AMPD2: variants seen among roughly 807,000 people sequenced by gnomAD.
The protein encoded by AMPD2 is AMP deaminase 2.
A neutral mutation model predicts 91.3 loss-of-function variants in AMPD2; 52 were observed. The ratio of observed to expected loss-of-function variants is 0.57; its 90% CI spans 0.46 to 0.72. AMPD2 has a LOEUF of 0.72. Ranked by LOEUF, AMPD2 falls within the 30% of genes least tolerant of loss-of-function variation. The pLI, the probability that AMPD2 is intolerant of heterozygous loss-of-function variation, is 0.00. For missense variants in AMPD2, 822 were observed against 1,122.3 expected (o/e 0.73, Z 3.82); for synonymous variants, 455 against 456.4 (o/e 1.00, Z 0.04).
At position 109,630,352 on chromosome 1, in the gene AMPD2, CG is replaced by C; in HGVS notation, c.2105del (p.Gly702AlafsTer21). 1 of 1,613,942 alleles carries C rather than the reference CG, an allele frequency of 6.2e-7. No individual in the cohort carries two copies. The highest frequency in any genetic ancestry group is 1.1e-5 in the South Asian group (1 of 91,070). On this transcript the variant is annotated frameshift_variant, in exon 17 of 19. Transcript: ENST00000528667. LOFTEE classifies it high-confidence loss of function. ...RNPLPEYLSR[G>X]LMVSLSTDDP... ...ATCCGCTACCGGAGTACCTGTCCCG[CG>C]GCCTCATGGTCTCCCTGTCCACTGA...
chr1:109,625,583 T>C lies in AMPD2; in HGVS notation c.223-79T>C. ...CCAGGTACCCCTGGTCCTGCTGCCC[T>C]CACCCCATCCCCAGACTCTGTAGGA... On this transcript the variant is annotated intron_variant, in intron 3 of 18. Coordinates refer to ENST00000528667, the MANE Select transcript of AMPD2 (RefSeq NM_001368809.2). This position sits in a 1 kb window ranked among gnomAD's most constrained non-coding sequence, Gnocchi z 4.0. The C allele has an allele frequency of 6.3e-7, 1 of 1,599,966 alleles. No individual in the cohort carries two copies.
At chr1:109,623,599 G>A (rs1355870466) in intron 2 of AMPD2, among the ~76,000 whole-genome samples, 4 of 152,208 alleles carry the variant, frequency 2.6e-5, no homozygotes, top group Non-Finnish European at 5.9e-5. Flanking sequence ...GGACAGTGGT[G>A]AGCAACAAGG....
At position 109,631,584 on chromosome 1, in the gene AMPD2, C is replaced by CGAGA; in HGVS notation, c.*432_*433insGAGA. 4.0e-6 allele frequency: 1 copy of CGAGA among 252,462 alleles called. No individual in the cohort carries two copies. 15.6% of individuals were successfully genotyped at this position (252,462 alleles called of 1,614,324 possible). On this transcript the variant is annotated 3_prime_UTR_variant, in exon 19 of 19. Coordinates refer to ENST00000528667, the MANE Select transcript of AMPD2 (RefSeq NM_001368809.2). ...TGTAGCCGAGGGGCAGGCGGGGGAC[C>CGAGA]TCTACACCTCTGCTGTGGGCACGGG... is the stretch of plus-strand genomic sequence containing the variant.
chr1:109,630,163 C>A, intron 16 of AMPD2, 70 bp from the exon 17 acceptor site: 1 of 1,560,412 alleles, frequency 6.4e-7, no homozygotes, highest in Non-Finnish European at 8.8e-7. Flanking sequence ...GGCCTGGACC[C>A]CCAGAACCAC....
In AMPD2 at chr1:109,624,096, T is replaced by C. The variant is rs1650454955; in HGVS notation, c.92-1207T>C. On this transcript the variant is annotated intron_variant, in intron 2 of 18. Transcript: ENST00000528667. This position sits in a 1 kb window ranked among gnomAD's most constrained non-coding sequence, Gnocchi z 5.2. ...AGCTGCCTGCACTCTGCAGGTAGGG[T>C]TCAGGCAGGGGCCGGGGTGCGCAGG... is the stretch of plus-strand genomic sequence containing the variant. The C allele has an allele frequency of 1.0e-6, 1 of 985,572 alleles. No homozygotes were observed. Among genetic ancestry groups the C allele is most frequent in the Non-Finnish European group, 1.2e-6 (1 of 830,052 alleles). 61.1% of individuals were successfully genotyped at this position (985,572 alleles called of 1,614,324 possible).
At chr1:109,620,411 C>T in intron 1 of AMPD2, 133 bp downstream of exon 1, 1 of 1,425,244 alleles carries the variant, frequency 7.0e-7, no homozygotes, top group Non-Finnish European at 9.7e-7. Flanking sequence ...CCAGGAGGGC[C>T]TGGGGAGCAG....
At chr1:109,622,319 T>C (rs915233420) in intron 2 of AMPD2, 5 of 456,256 alleles carry the variant, frequency 1.1e-5, no homozygotes, top group Non-Finnish European at 1.8e-5. Flanking sequence ...GATACGGATC[T>C]AGCCCAGAGC....
chr1:109,628,797 C>T lies in AMPD2; in HGVS notation c.1562C>T (p.Pro521Leu). Residue 521 changes from proline to leucine, a missense_variant, in exon 13 of 19, where the codon CCC (proline) becomes CTC (leucine). Transcript: ENST00000528667. The surrounding 1 kb of genome is among the most constrained non-coding windows in gnomAD (Gnocchi z 7.1). ...AACGTGCGCTGGCTGGTGCAGGTGC[C>T]CCGCCTCTTGTGAGTGTCCCTGGAG... ...SPNVRWLVQVPRLFDVYRTKG... is the reference protein window; with the variant it reads ...SPNVRWLVQVLRLFDVYRTKG... The T allele has an allele frequency of 5.8e-6, 9 of 1,562,340 alleles. No individual in the cohort carries two copies. The highest frequency in any genetic ancestry group is 7.8e-6 in the Non-Finnish European group (9 of 1,153,028).
At chr1:109,622,741 C>G (rs1049480620) in intron 2 of AMPD2, among the ~76,000 whole-genome samples, 3 of 151,994 alleles carry the variant, frequency 2.0e-5, no homozygotes, top group Non-Finnish European at 4.4e-5. Context: ...TGCTGTGGAG[C>G]CTGAGACCCC....
At chr1:109,621,372 C>G in intron 2 of AMPD2, 106 bp downstream of exon 2, 1 of 1,108,294 alleles carries the variant, frequency 9.0e-7, no homozygotes, top group Non-Finnish European at 1.2e-6. Flanking sequence ...CCGGCATCCT[C>G]TCTGTGGTGG....
chr1:109,629,406 C>T lies in AMPD2; in HGVS notation c.1778C>T (p.Ala593Val), dbSNP rs376516473. The change falls in exon 15 of 19, where the codon GCG becomes GTG. Residue 593 changes from alanine to valine, a missense_variant. Transcript: ENST00000528667. ...AACCTGGAGAGCCCCCTGCCTGAGG[C>T]GTGGGTGGAGGAGGACAACCCACCC... ...VFNLESPLPE[A>V]WVEEDNPPYA... is the part of the protein sequence containing the mutation. 199 of 1,614,126 alleles carry T rather than the reference C, an allele frequency of 1.2e-4. No homozygotes were observed. The highest frequency in any genetic ancestry group is 1.8e-4 in the Admixed American group (11 of 60,026).
At chr1:109,623,102 G>T (rs1472769245) in intron 2 of AMPD2, among the ~76,000 whole-genome samples, 1 of 152,168 alleles carries the variant, frequency 6.6e-6, no homozygotes, top group East Asian at 1.9e-4. Flanking sequence ...GTCCTCAGTG[G>T]GCGGGGCTAC....
At chr1:109,630,489 G>A (rs1237381070) in intron 17 of AMPD2, 83 bp downstream of exon 17, 13 of 456,540 alleles carry the variant, frequency 2.8e-5, no homozygotes, top group Non-Finnish European at 5.6e-5. Context: ...GGTGGGGGGG[G>A]CGGTCTCTCG....
At chr1:109,629,038 C>G in intron 13 of AMPD2, 71 bp from the exon 14 acceptor site, 6 of 1,586,008 alleles carry the variant, frequency 3.8e-6, no homozygotes, top group Non-Finnish European at 5.2e-6. Flanking sequence ...AAGCTCTGAC[C>G]CTTGCTGGAC....
Position 109,630,978 on chromosome 1 carries a change from G to C in AMPD2, c.2304G>C (p.Lys768Asn), listed in dbSNP as rs770018808. The change falls in exon 19 of 19, where the codon AAG becomes AAC. Residue 768 changes from lysine to asparagine, a missense_variant. Lys to Asn is a moderately conservative substitution (Grantham distance 94, BLOSUM62 0). Coordinates refer to ENST00000528667, the MANE Select transcript of AMPD2 (RefSeq NM_001368809.2). ...KSHWLGPNYT[K>N]EGPEGNDIRR... ...ACTGGCTGGGACCCAACTATACCAA[G>C]GAAGGCCCTGAGGGGAATGACATCC... 1 of 1,614,146 alleles carries C rather than the reference G, an allele frequency of 6.2e-7. No homozygotes were observed. Among genetic ancestry groups the C allele is most frequent in the Non-Finnish European group, 8.5e-7 (1 of 1,180,024 alleles).
At position 109,621,051 on chromosome 1, in the gene AMPD2, G is replaced by GC. The variant is rs1036000347; in HGVS notation, c.-123dup. 1.9e-6 allele frequency: 3 copies of GC among 1,605,830 alleles called. No individual in the cohort carries two copies. In the African/African-American group the frequency reaches 4.0e-5, roughly 21 times the overall value. On this transcript the variant is annotated 5_prime_UTR_variant, in exon 2 of 19. Coordinates refer to ENST00000528667, the MANE Select transcript of AMPD2 (RefSeq NM_001368809.2). ...GGCCAGGGCCTCTTCCGCCTGCGGA[G>GC]CCGCTGCTTCCTGCATCAGTCACTC...
At chr1:109,621,421 A>AGGG in intron 2 of AMPD2, 155 bp downstream of exon 2, 1 of 147,332 alleles carries the variant, frequency 6.8e-6, no homozygotes, top group Non-Finnish European at 1.4e-5. Context: ...CCGGCTTGGA[A>AGGG]GGTGGGGTGA....
rs576667389 is a variant in AMPD2 at position 109,622,231 on chromosome 1, C to T, written c.91+965C>T. The T allele has an allele frequency of 4.6e-4, 208 of 456,338 alleles. 1 individual carries two copies. Among genetic ancestry groups the T allele is most frequent in the Middle Eastern group, 2.9e-3 (9 of 3,074 alleles). 28.3% of individuals were successfully genotyped at this position (456,338 alleles called of 1,614,324 possible). ...CTGTCCTGAGGGTGTTCTCTGTGCC[C>T]AGGTCTGTGCCATCCAGAAAGGGTG... On this transcript the variant is annotated intron_variant, in intron 2 of 18. Coordinates refer to ENST00000528667, the MANE Select transcript of AMPD2 (RefSeq NM_001368809.2).
In AMPD2 at chr1:109,630,698, G is replaced by C. The variant is rs1419885475; in HGVS notation, c.2173G>C (p.Glu725Gln). ...GCCCGTGCAGGAGCCGCTGATGGAG[G>C]AGTACAGCATCGCCACCCAGGTGTG... is the stretch of plus-strand genomic sequence containing the variant. The part of the protein sequence containing the change: ...FHFTKEPLME[E>Q]YSIATQVWKL... Residue 725 changes from glutamate to glutamine, a missense_variant, in exon 18 of 19, where the codon GAG (glutamate) becomes CAG (glutamine). By Grantham distance (29) the Glu-to-Gln change is conservative. Coordinates refer to ENST00000528667, the MANE Select transcript of AMPD2 (RefSeq NM_001368809.2). 6.2e-7 allele frequency: 1 copy of C among 1,611,906 alleles called. No homozygotes were observed. The highest frequency in any genetic ancestry group is 8.5e-7 in the Non-Finnish European group (1 of 1,179,426).
Sources: gnomAD v4.1 joint callset for allele counts (sites outside exome capture counted in the v4.1 genomes callset) on GRCh38, gnomAD v4.1.1 for gene constraint, Gnocchi (gnomAD v3.1) non-coding constraint, MANE v1.5 for transcripts, NCBI Gene and HGNC (gene_info 2026-07-23, HGNC 2026-07-21) for gene names.